The following ANKRD6 variants were observed in gnomAD, a reference collection of about 807,000 sequenced individuals.
ANKRD6 encodes ankyrin repeat domain-containing protein 6.
Under a neutral mutation model 82.3 loss-of-function variants are expected in ANKRD6, and 56 were observed. The observed-to-expected ratio is 0.68, with a 90% CI of 0.55 to 0.85. The LOEUF (loss-of-function observed/expected upper bound fraction) is 0.85. Ranked by LOEUF, ANKRD6 falls within the 40% of genes least tolerant of loss-of-function variation. The pLI is 0.00. For synonymous variants in ANKRD6, 347 were observed against 352.1 expected, an observed-to-expected ratio of 0.99 and a Z score of 0.16; for missense variants, 852 against 907.6, an observed-to-expected ratio of 0.94 and a Z score of 0.79.
intron 2 of ANKRD6, among the ~76,000 whole-genome samples, chr6:89,589,877 C>G (rs1247098012): frequency 6.6e-6 from 1 of 152,160 alleles, no homozygotes; most frequent in African/African-American, 2.4e-5. Flanking sequence ...TGTGCCTCTT[C>G]CTGATTGGAT....
chr6:89,587,866 C>T (rs980133299), intron 2 of ANKRD6, among the ~76,000 whole-genome samples: 9 of 152,210 alleles, frequency 5.9e-5, no homozygotes, highest in Non-Finnish European at 8.8e-5. Flanking sequence ...GGAAAGAAAA[C>T]TCTGAAAGCT....
intron 2 of ANKRD6, among the ~76,000 whole-genome samples, chr6:89,570,261 A>G (rs553274904): frequency 6.6e-6 from 1 of 152,148 alleles, no homozygotes; most frequent in African/African-American, 2.4e-5. Flanking sequence ...GGGTCTCCCT[A>G]CGTTGCCCAG....
chr6:89,549,791 CT>C (rs1297380563), intron 1 of ANKRD6, among the ~76,000 whole-genome samples: 2 of 152,058 alleles, frequency 1.3e-5, no homozygotes, highest in African/African-American at 4.8e-5. Flanking sequence ...TTCAAACAGA[CT>C]GATGGGTACA....
chr6:89,491,734 A>G (rs1283656332), intron 1 of ANKRD6, among the ~76,000 whole-genome samples: 4 of 152,112 alleles, frequency 2.6e-5, no homozygotes, highest in East Asian at 3.9e-4. Context: ...ACATGTATAC[A>G]TATGTAACAA....
chr6:89,608,629 C>G (rs572564621), intron 5 of ANKRD6, among the ~76,000 whole-genome samples: 1 of 152,006 alleles, frequency 6.6e-6, no homozygotes, highest in South Asian at 2.1e-4. Flanking sequence ...CTTTGCCCTC[C>G]GGTGAAATCT....
At chr6:89,607,686 C>T (rs939830291) in intron 5 of ANKRD6, among the ~76,000 whole-genome samples, 17 of 139,210 alleles carry the variant, frequency 1.2e-4, no homozygotes, top group African/African-American at 2.4e-4. Flanking sequence ...TACAGAATCT[C>T]GTTCTGTCAC....
intron 2 of ANKRD6, among the ~76,000 whole-genome samples, chr6:89,576,938 A>AT (rs1005677212): frequency 5.3e-5 from 8 of 149,766 alleles, no homozygotes; most frequent in Admixed American, 2.7e-4. Flanking sequence ...TTTATTTTTT[A>AT]TTTTTTTTTG....
chr6:89,598,458 C>T, intron 3 of ANKRD6: 2 of 980,640 alleles, frequency 2.0e-6, no homozygotes, highest in African/African-American at 1.7e-5. Flanking sequence ...ACACACCTAA[C>T]CTGTCTTGAG....
At chr6:89,531,065 A>T (rs1443568958) in intron 1 of ANKRD6, among the ~76,000 whole-genome samples, 2 of 152,234 alleles carry the variant, frequency 1.3e-5, no homozygotes, top group Non-Finnish European at 2.9e-5. Context: ...TAAGTAAAGG[A>T]TACATGATAA....
chr6:89,538,435 GT>G (rs922961430), intron 1 of ANKRD6, among the ~76,000 whole-genome samples: 8 of 152,178 alleles, frequency 5.3e-5, no homozygotes, highest in African/African-American at 1.9e-4. Context: ...GGTTTAAATT[GT>G]ATGTATGGGG....
intron 9 of ANKRD6, chr6:89,620,086 A>T: frequency 6.6e-6 from 1 of 152,224 alleles, no homozygotes; most frequent in Admixed American, 6.5e-5. Context: ...TCCTGACCTC[A>T]GATGATCCAC....
intron 2 of ANKRD6, among the ~76,000 whole-genome samples, chr6:89,569,652 C>G (rs1006144603): frequency 2.0e-5 from 3 of 152,184 alleles, no homozygotes; most frequent in Admixed American, 1.3e-4. Flanking sequence ...CTGTTTAACA[C>G]GTTAAGAAAC....
intron 1 of ANKRD6, among the ~76,000 whole-genome samples, chr6:89,458,999 T>G (rs1582708170): frequency 6.6e-6 from 1 of 152,056 alleles, no homozygotes; most frequent in Non-Finnish European, 1.5e-5. Context: ...TGTGGAGGGG[T>G]GTGCACACCT....
At chr6:89,436,368 T>C (rs1770637408) in intron 1 of ANKRD6, among the ~76,000 whole-genome samples, 1 of 152,218 alleles carries the variant, frequency 6.6e-6, no homozygotes, top group Admixed American at 6.5e-5. Flanking sequence ...TGTAACATGA[T>C]CTACTGTTGA....
chr6:89,454,058 C>T (rs1252983408), intron 1 of ANKRD6, among the ~76,000 whole-genome samples: 5 of 152,220 alleles, frequency 3.3e-5, no homozygotes, highest in South Asian at 2.1e-4. Flanking sequence ...CCGCCTCACC[C>T]TCCCAAAGTG....
chr6:89,504,141 T>TG (rs1193200013), intron 1 of ANKRD6, among the ~76,000 whole-genome samples: 2 of 40,688 alleles, frequency 4.9e-5, no homozygotes, highest in Non-Finnish European at 9.3e-5. Context: ...GGGCGGGGGG[T>TG]GGGGGGGAAG....
At chr6:89,517,776 T>C (rs1781402372) in intron 1 of ANKRD6, among the ~76,000 whole-genome samples, 1 of 152,212 alleles carries the variant, frequency 6.6e-6, no homozygotes, top group South Asian at 2.1e-4. Flanking sequence ...ACAGAGTAGA[T>C]GCACAGAAAC....
intron 4 of ANKRD6, among the ~76,000 whole-genome samples, chr6:89,604,926 C>G (rs1052730149): frequency 2.6e-5 from 4 of 152,174 alleles, no homozygotes; most frequent in African/African-American, 9.7e-5. Context: ...CTGCACTGAC[C>G]TCTGCTGATT....
intron 7 of ANKRD6, among the ~76,000 whole-genome samples, chr6:89,615,686 A>G (rs1176893156): frequency 6.6e-6 from 1 of 152,166 alleles, no homozygotes; most frequent in Admixed American, 6.5e-5. Context: ...CCTCACAAAG[A>G]TGGCTGAATG....
Sources: allele counts gnomAD v4.1 joint callset (sites outside exome capture counted in the v4.1 genomes callset), GRCh38; gene constraint gnomAD v4.1.1; transcripts MANE v1.5; gene names NCBI Gene and HGNC (gene_info 2026-07-23, HGNC 2026-07-21).